Variants in COL24A1 observed in about 807,000 individuals in gnomAD.
COL24A1 encodes collagen type XXIV alpha 1 chain, also known as collagen alpha-1(XXIV) chain.
Under a neutral mutation model 253.9 loss-of-function variants are expected in COL24A1, and 224 were observed. That is an observed-to-expected ratio of 0.88 (90% CI 0.79 to 0.99). The LOEUF (loss-of-function observed/expected upper bound fraction) is 0.99. Ranked by LOEUF, COL24A1 falls within the 50% of genes least tolerant of loss-of-function variation. The pLI, the probability that COL24A1 is intolerant of heterozygous loss-of-function variation, is 0.00. For missense variants in COL24A1, 2,131 were observed against 2,068.5 expected (o/e 1.03, Z -0.59); for synonymous variants, 685 against 673.7 (o/e 1.02, Z -0.26).
intron 53 of COL24A1, among the ~76,000 whole-genome samples, chr1:85,773,096 A>G (rs1356122542): frequency 6.6e-6 from 1 of 152,190 alleles, no homozygotes; most frequent in Non-Finnish European, 1.5e-5. Context: ...ATGGCAAGCC[A>G]GTTTTCCCAG....
intron 19 of COL24A1, among the ~76,000 whole-genome samples, chr1:86,003,370 G>T (rs1695618534): frequency 6.6e-6 from 1 of 152,118 alleles, no homozygotes; most frequent in African/African-American, 2.4e-5. Flanking sequence ...ACCCAAGTGG[G>T]ACCGGGGGAA....
chr1:85,978,776 A>G (rs1255889274), intron 20 of COL24A1, among the ~76,000 whole-genome samples: 3 of 152,194 alleles, frequency 2.0e-5, no homozygotes, highest in Admixed American at 1.3e-4. Context: ...AGCACTAGGC[A>G]GGTCGTCAAG....
intron 12 of COL24A1, chr1:86,046,014 T>C (rs1046821975): frequency 4.2e-6 from 1 of 239,488 alleles, no homozygotes; most frequent in Non-Finnish European, 8.5e-6. Flanking sequence ...TCTTTTAACA[T>C]CTCTAAGCTT....
Position 86,156,471 on chromosome 1 carries a change from A to G in COL24A1, c.-75T>C, listed in dbSNP as rs779944888. 1.8e-5 allele frequency: 24 copies of G among 1,355,364 alleles called. No homozygotes were observed. Among genetic ancestry groups the G allele is most frequent in the Non-Finnish European group, 2.3e-5 (23 of 995,622 alleles). 84.0% of individuals were successfully genotyped at this position (1,355,364 alleles called of 1,614,324 possible). On this transcript the variant is annotated 5_prime_UTR_variant, in exon 1 of 60. Coordinates refer to ENST00000370571, the MANE Select transcript of COL24A1 (RefSeq NM_152890.7). ...ACTCTGAACTGCTTAGGGTGCAGGT[A>G]CTGTCCATGAAAAAGGGAAAAAACA...
chr1:85,891,164 C>A (rs1683091145), intron 31 of COL24A1, among the ~76,000 whole-genome samples: 1 of 151,804 alleles, frequency 6.6e-6, no homozygotes, highest in Non-Finnish European at 1.5e-5. Flanking sequence ...CGTTCTCCTG[C>A]CTCGGCCTCC....
At chr1:85,767,019 G>A (rs890039629) in intron 53 of COL24A1, among the ~76,000 whole-genome samples, 2 of 151,850 alleles carry the variant, frequency 1.3e-5, no homozygotes, top group Non-Finnish European at 2.9e-5. Flanking sequence ...CAGGAGAATC[G>A]CTTGAACCTG....
intron 20 of COL24A1, among the ~76,000 whole-genome samples, chr1:85,974,974 G>A (rs1692516801): frequency 6.6e-6 from 1 of 152,026 alleles, no homozygotes; most frequent in African/African-American, 2.4e-5. Context: ...ACATTAATTA[G>A]TAGACATTTC....
intron 55 of COL24A1, among the ~76,000 whole-genome samples, chr1:85,755,009 C>G (rs1396689554): frequency 1.3e-5 from 2 of 152,092 alleles, no homozygotes; most frequent in African/African-American, 4.8e-5. Flanking sequence ...ACATCATAAT[C>G]AAACTATCTA....
intron 5 of COL24A1, among the ~76,000 whole-genome samples, chr1:86,094,342 G>A (rs1703738478): frequency 6.6e-6 from 1 of 152,084 alleles, no homozygotes; most frequent in Non-Finnish European, 1.5e-5. Context: ...GTCCTTTATA[G>A]GGACATGGAT....
intron 20 of COL24A1, among the ~76,000 whole-genome samples, chr1:85,975,740 T>C (rs1692609978): frequency 6.6e-6 from 1 of 152,160 alleles, no homozygotes; most frequent in African/African-American, 2.4e-5. Flanking sequence ...ATAGATCCTC[T>C]GACAGAAATG....
In COL24A1 at chr1:85,790,758, T is replaced by C. The variant is rs562488133; in HGVS notation, c.3952-4297A>G. ...CACCATGGAAAATGAATTTTCTTAT[T>C]GAATTAGATGGCAAAGCCTTGTATT... is the stretch of plus-strand genomic sequence containing the variant. On this transcript the variant is annotated intron_variant, in intron 47 of 59. Transcript: ENST00000370571. 2.0e-5 allele frequency among the ~76,000 whole-genome samples: 3 copies of C among 152,348 alleles called. No individual in the cohort carries two copies. The East Asian group carries it at 5.8e-4, about 29-fold the overall frequency.
chr1:86,103,553 C>T (rs771213624), intron 5 of COL24A1, among the ~76,000 whole-genome samples: 2 of 152,104 alleles, frequency 1.3e-5, no homozygotes, highest in Admixed American at 6.6e-5. Flanking sequence ...CCTTCAGGAG[C>T]TCTTGTAAGG....
chr1:85,964,086 C>T (rs1026563875), intron 23 of COL24A1, among the ~76,000 whole-genome samples: 10 of 151,996 alleles, frequency 6.6e-5, no homozygotes, highest in African/African-American at 1.7e-4. Context: ...TTTAGCTTTT[C>T]GTTAGGTTCC....
chr1:86,139,341 G>T (rs1202160710), intron 2 of COL24A1, among the ~76,000 whole-genome samples: 4 of 152,130 alleles, frequency 2.6e-5, no homozygotes, highest in African/African-American at 9.6e-5. Context: ...ACTCTGTGGG[G>T]GGAATATAGT....
rs557056362 is a variant in COL24A1 at position 85,848,956 on chromosome 1, G to GA, written c.3354+396dup. On this transcript the variant is annotated intron_variant, in intron 38 of 59. Coordinates refer to ENST00000370571, the MANE Select transcript of COL24A1 (RefSeq NM_152890.7). ...ATATGGAAAAAATAAAACCAACTTAGAAAAACACATTGACAACAAATAATT... is the reference window on the plus strand; with the variant it reads ...ATATGGAAAAAATAAAACCAACTTAGAAAAAACACATTGACAACAAATAATT... Among the ~76,000 whole-genome samples, 125 of 152,210 alleles carry GA rather than the reference G, an allele frequency of 8.2e-4. 5 individuals carry two copies. In the South Asian group the frequency reaches 0.025, roughly 31 times the overall value.
chr1:85,852,700 G>A (rs1677910307), intron 37 of COL24A1, among the ~76,000 whole-genome samples: 1 of 151,958 alleles, frequency 6.6e-6, no homozygotes, highest in Non-Finnish European at 1.5e-5. Context: ...CAAATATTTT[G>A]TTTAGATGTA....
intron 53 of COL24A1, among the ~76,000 whole-genome samples, chr1:85,767,656 A>G (rs1426821401): frequency 1.3e-5 from 2 of 151,158 alleles, no homozygotes; most frequent in East Asian, 3.9e-4. Context: ...TTTTTTTTTT[A>G]AACAGCATAT....
intron 39 of COL24A1, among the ~76,000 whole-genome samples, chr1:85,845,379 G>A (rs945547238): frequency 1.3e-5 from 2 of 151,626 alleles, no homozygotes; most frequent in Admixed American, 1.3e-4. Flanking sequence ...ATCTACTCTT[G>A]GTCAAAACTC....
chr1:85,774,716 T>C (rs559283057), intron 53 of COL24A1, among the ~76,000 whole-genome samples: 36 of 152,362 alleles, frequency 2.4e-4, no homozygotes, highest in Middle Eastern at 6.8e-3. Flanking sequence ...TTGGTGGTGA[T>C]ATTCCCTTTA....
Sources: allele counts gnomAD v4.1 joint callset (sites outside exome capture counted in the v4.1 genomes callset), GRCh38; gene constraint gnomAD v4.1.1; transcripts MANE v1.5; gene names NCBI Gene and HGNC (gene_info 2026-07-23, HGNC 2026-07-21).